The following MAGI1 variants were observed in gnomAD, a reference collection of about 807,000 sequenced individuals.
MAGI1 encodes membrane associated guanylate kinase, WW and PDZ domain containing 1.
Under a neutral mutation model 139.9 loss-of-function variants are expected in MAGI1, and 58 were observed. The ratio of observed to expected loss-of-function variants is 0.41; its 90% CI spans 0.34 to 0.52. The LOEUF is 0.52. MAGI1 is among the 20% of genes least tolerant of loss of function. The pLI is 0.12. For synonymous variants in MAGI1, 812 were observed against 737.9 expected, an observed-to-expected ratio of 1.10 and a Z score of -1.63; for missense variants, 1,874 against 1,901.6, an observed-to-expected ratio of 0.99 and a Z score of 0.27.
intron 1 of MAGI1, among the ~76,000 whole-genome samples, chr3:65,707,985 G>T (rs2030681173): frequency 6.6e-6 from 1 of 152,110 alleles, no homozygotes; most frequent in African/African-American, 2.4e-5. Flanking sequence ...ATTGGATAAG[G>T]TATCAATGTC....
rs532328092 is a variant in MAGI1 at position 65,428,975 on chromosome 3, G to A, written c.2167+545C>T. Among the ~76,000 whole-genome samples the A allele has an allele frequency of 2.0e-5, 3 of 152,228 alleles. No homozygotes were observed. In the East Asian group the frequency reaches 5.8e-4, roughly 29 times the overall value. The stretch of plus-strand genomic sequence containing the variant: ...GCAAGAAAAGGCTTGAAGCATTAAA[G>A]GAGCTCCATAAAAGCAGCCAGTGTG... On this transcript the variant is annotated intron_variant, in intron 12 of 22. Coordinates refer to ENST00000402939, the MANE Select transcript of MAGI1 (RefSeq NM_001033057.2).
intron 18 of MAGI1, among the ~76,000 whole-genome samples, chr3:65,369,492 T>G (rs73125507): frequency 0.025 from 3,762 of 150,856 alleles, 76 homozygotes; most frequent in Non-Finnish European, 0.034. Context: ...TCGAGAACAG[T>G]GTCCCAGACG....
At chr3:65,983,108 G>T (rs1461024469) in intron 1 of MAGI1, among the ~76,000 whole-genome samples, 2 of 151,910 alleles carry the variant, frequency 1.3e-5, no homozygotes, top group African/African-American at 2.4e-5. Flanking sequence ...GTTGAAATGG[G>T]GTCTTGCTTT....
intron 1 of MAGI1, among the ~76,000 whole-genome samples, chr3:65,788,628 C>T (rs1034772340): frequency 2.6e-5 from 4 of 152,192 alleles, no homozygotes; most frequent in Non-Finnish European, 4.4e-5. Flanking sequence ...ATCATCTCTA[C>T]GGTAGCTCAC....
chr3:65,829,587 C>G lies in MAGI1; in HGVS notation c.314-207499G>C, dbSNP rs185891325. Among the ~76,000 whole-genome samples the G allele has an allele frequency of 3.9e-5, 6 of 152,320 alleles. No homozygotes were observed. The East Asian group carries it at 1.2e-3, about 29-fold the overall frequency. On this transcript the variant is annotated intron_variant, in intron 1 of 22. Coordinates refer to ENST00000402939, the MANE Select transcript of MAGI1 (RefSeq NM_001033057.2). ...CCAGAAGTGTGAGCAATAAATTTCT[C>G]ATGCTTGTAAATTACCCAGTCTAAG...
chr3:65,581,934 T>G (rs891721511), intron 2 of MAGI1, among the ~76,000 whole-genome samples: 1 of 152,166 alleles, frequency 6.6e-6, no homozygotes, highest in South Asian at 2.1e-4. Flanking sequence ...GCCAGGAACA[T>G]AGTAGATGTT....
chr3:65,821,074 T>A (rs2041924559), intron 1 of MAGI1, among the ~76,000 whole-genome samples: 2 of 151,948 alleles, frequency 1.3e-5, no homozygotes, highest in African/African-American at 4.8e-5. Flanking sequence ...AAAGTAAATC[T>A]AGGAGGCTCT....
chr3:65,559,990 T>G (rs1008428084), intron 2 of MAGI1, among the ~76,000 whole-genome samples: 1 of 152,136 alleles, frequency 6.6e-6, no homozygotes, highest in South Asian at 2.1e-4. Flanking sequence ...GAGCCAAGAT[T>G]GCACCACTAC....
intron 1 of MAGI1, among the ~76,000 whole-genome samples, chr3:65,859,911 T>G (rs28806254): frequency 3.7e-5 from 5 of 133,898 alleles, no homozygotes; most frequent in African/African-American, 7.7e-5. Context: ...TTTTTGTTTT[T>G]TTTTTTTTGA....
chr3:65,883,664 C>G (rs1315937913), intron 1 of MAGI1, among the ~76,000 whole-genome samples: 3 of 152,190 alleles, frequency 2.0e-5, no homozygotes, highest in East Asian at 3.9e-4. Context: ...ATCAGACTAT[C>G]CAGTTGTGAG....
intron 1 of MAGI1, among the ~76,000 whole-genome samples, chr3:65,716,673 A>G (rs1311675034): frequency 6.6e-6 from 1 of 152,208 alleles, no homozygotes; most frequent in African/African-American, 2.4e-5. Context: ...TTCTTGTGGT[A>G]GTTTCTAATA....
intron 1 of MAGI1, among the ~76,000 whole-genome samples, chr3:65,879,322 A>G (rs765838226): frequency 2.0e-5 from 3 of 152,052 alleles, no homozygotes; most frequent in Non-Finnish European, 4.4e-5. Context: ...TGCTAAGGAC[A>G]GTGGAAGACC....
chr3:65,363,191 A>G lies in MAGI1; in HGVS notation c.3495+274T>C, dbSNP rs143340061. ...ACAAAAACTATAGAAATGGGCTCTG[A>G]AAAATATCTACTTTAATATATTTGA... On this transcript the variant is annotated intron_variant, in intron 21 of 22. Transcript: ENST00000402939. Among the ~76,000 whole-genome samples the G allele has an allele frequency of 1.6e-3, 241 of 152,350 alleles. 1 individual carries two copies. The highest frequency in any genetic ancestry group is 5.6e-3 in the African/African-American group (234 of 41,586).
intron 1 of MAGI1, among the ~76,000 whole-genome samples, chr3:65,730,996 T>C (rs546978845): frequency 1.5e-4 from 23 of 151,976 alleles, no homozygotes; most frequent in Non-Finnish European, 3.1e-4. Context: ...ATGAATCAAG[T>C]TACCTCTAGA....
Position 65,578,998 on chromosome 3 carries a change from C to T in MAGI1, c.430+42974G>A, listed in dbSNP as rs114590590. Reference sequence around the variant, plus strand: ...ATATTCCCTGCAAGCTCTCCTAAAGCGATGCATTTTTTTGCGGGGGAGGGG... The same window carrying T: ...ATATTCCCTGCAAGCTCTCCTAAAGTGATGCATTTTTTTGCGGGGGAGGGG... On this transcript the variant is annotated intron_variant, in intron 2 of 22. Coordinates refer to ENST00000402939, the MANE Select transcript of MAGI1 (RefSeq NM_001033057.2). Among the ~76,000 whole-genome samples the T allele has an allele frequency of 4.8e-3, 727 of 150,714 alleles. 5 individuals carry two copies. The highest frequency in any genetic ancestry group is 0.016 in the African/African-American group (650 of 40,904).
intron 12 of MAGI1, among the ~76,000 whole-genome samples, chr3:65,417,745 C>A (rs575219844): frequency 6.6e-6 from 1 of 152,156 alleles, no homozygotes; most frequent in South Asian, 2.1e-4. Context: ...AGAGTAAGGA[C>A]AGATGTAAGA....
intron 1 of MAGI1, among the ~76,000 whole-genome samples, chr3:65,691,473 T>G (rs1046395246): frequency 6.6e-6 from 1 of 152,108 alleles, no homozygotes; most frequent in African/African-American, 2.4e-5. Context: ...CTCTGTAATA[T>G]TCTACACTGA....
At chr3:65,712,741 G>T (rs1049662607) in intron 1 of MAGI1, among the ~76,000 whole-genome samples, 1 of 152,060 alleles carries the variant, frequency 6.6e-6, no homozygotes, top group African/African-American at 2.4e-5. Flanking sequence ...CAAACTCCTG[G>T]CCTCAAGTAA....
intron 1 of MAGI1, among the ~76,000 whole-genome samples, chr3:65,870,692 A>G (rs536195602): frequency 6.6e-6 from 1 of 150,666 alleles, no homozygotes; most frequent in East Asian, 2.0e-4. Context: ...AGGACTGTTC[A>G]TAGTGGGATT....
Sources: gnomAD v4.1 joint callset for allele counts (sites outside exome capture counted in the v4.1 genomes callset) on GRCh38, gnomAD v4.1.1 for gene constraint, MANE v1.5 for transcripts, NCBI Gene and HGNC (gene_info 2026-07-23, HGNC 2026-07-21) for gene names.